The following IGSF21 variants were observed in gnomAD, a reference collection of about 807,000 sequenced individuals.
IGSF21 encodes immunoglobulin superfamily member 21.
Under a neutral mutation model 46.8 loss-of-function variants are expected in IGSF21, and 28 were observed. That is an observed-to-expected ratio of 0.60 (90% CI 0.44 to 0.82). IGSF21 has a LOEUF of 0.82. Among genes scored for constraint, IGSF21 ranks in the 40% least tolerant of loss-of-function variants. IGSF21 has a pLI of 0.00. For missense variants in IGSF21, 624 were observed against 665.5 expected, an observed-to-expected ratio of 0.94 and a Z score of 0.69; for synonymous variants, 284 against 273.6, an observed-to-expected ratio of 1.04 and a Z score of -0.38.
chr1:18,261,239 T>C (rs533053752), intron 2 of IGSF21, among the ~76,000 whole-genome samples: 1 of 152,230 alleles, frequency 6.6e-6, no homozygotes, highest in South Asian at 2.1e-4. Flanking sequence ...GGCTGGCCTA[T>C]AAAATGTTTT....
chr1:18,260,463 C>T (rs542213117), intron 2 of IGSF21, among the ~76,000 whole-genome samples: 98 of 152,334 alleles, frequency 6.4e-4, no homozygotes, highest in Admixed American at 4.5e-3. Context: ...GCGCAGCAGC[C>T]GCTGAGGGAA....
intron 1 of IGSF21, among the ~76,000 whole-genome samples, chr1:18,133,559 G>A (rs936621531): frequency 1.2e-4 from 18 of 152,204 alleles, no homozygotes; most frequent in African/African-American, 3.9e-4. Flanking sequence ...CCATGCTGCC[G>A]CTTTCAGGTA....
At chr1:18,315,036 G>A (rs778379902) in intron 3 of IGSF21, among the ~76,000 whole-genome samples, 7 of 152,174 alleles carry the variant, frequency 4.6e-5, no homozygotes, top group Non-Finnish European at 4.4e-5. Flanking sequence ...ATCCCAGGCA[G>A]AGGGGAGAGC....
chr1:18,377,925 C>G (rs987851307), intron 9 of IGSF21, among the ~76,000 whole-genome samples: 2 of 152,188 alleles, frequency 1.3e-5, no homozygotes, highest in African/African-American at 4.8e-5. Flanking sequence ...CTAGCCTGAG[C>G]ACCACCCCAG....
rs1233975797 is a variant in IGSF21, at chr1:18,108,090, C to CCCCCGCCG, written c.-31_-24dup. ...AGGGGACCCGCCGCCACCGCCTCCA[C>CCCCCGCCG]CCCCGCCGCCCCGCCACCGCCGCCA... On this transcript the variant is annotated 5_prime_UTR_variant, in exon 1 of 10. Transcript: ENST00000251296. The CCCCCGCCG allele has an allele frequency of 9.3e-7, 1 of 1,072,870 alleles. No individual in the cohort carries two copies. The highest frequency in any genetic ancestry group is 1.3e-6 in the Non-Finnish European group (1 of 792,642). The allele number at this position is 1,072,870 out of a possible 1,614,324, so 66.5% of individuals were successfully genotyped here. A position where few individuals can be genotyped will look rare whatever the true frequency, so the allele number is the denominator to read the frequency against.
At chr1:18,278,900 G>A in intron 2 of IGSF21, 1 of 471,718 alleles carries the variant, frequency 2.1e-6, no homozygotes, top group South Asian at 1.5e-5. Flanking sequence ...GGGTATATGG[G>A]TGTTTGCCTT....
At chr1:18,292,884 GCA>G (rs1046667741) in intron 3 of IGSF21, among the ~76,000 whole-genome samples, 3 of 152,074 alleles carry the variant, frequency 2.0e-5, no homozygotes, top group Non-Finnish European at 4.4e-5. Flanking sequence ...GCACAGCTTT[GCA>G]CACACACACT....
chr1:18,273,037 A>ATTTTTTTTTTTTTTT (rs2085057685), intron 2 of IGSF21, among the ~76,000 whole-genome samples: 2 of 90,202 alleles, frequency 2.2e-5, no homozygotes, highest in Non-Finnish European at 4.6e-5. Context: ...AGCCAGACGG[A>ATTTTTTTTTTTTTTT]TCTTTTTTTT....
At chr1:18,259,054 A>G (rs1247076408) in intron 2 of IGSF21, among the ~76,000 whole-genome samples, 1 of 152,236 alleles carries the variant, frequency 6.6e-6, no homozygotes, top group African/African-American at 2.4e-5. Context: ...ATTGAAAGAA[A>G]TTAAATGGGT....
intron 4 of IGSF21, among the ~76,000 whole-genome samples, chr1:18,359,383 A>AAAGAAAGAATGGAAGGAAGG (rs1557659626): frequency 2.5e-4 from 15 of 61,106 alleles, no homozygotes; most frequent in African/African-American, 9.4e-4. Flanking sequence ...AGAAAGAAAG[A>AAAGAAAGAATGGAAGGAAGG]AAGGAAGGAA....
intron 2 of IGSF21, among the ~76,000 whole-genome samples, chr1:18,244,460 T>A (rs1429270026): frequency 6.6e-6 from 1 of 152,190 alleles, no homozygotes; most frequent in East Asian, 1.9e-4. Context: ...TTTCTCTGTG[T>A]CTGAAAGCTC....
intron 7 of IGSF21, 49 bp from the exon 8 acceptor site, chr1:18,376,751 G>T: frequency 1.3e-6 from 2 of 1,527,636 alleles, no homozygotes; most frequent in East Asian, 2.3e-5. Flanking sequence ...TGCTGATCTG[G>T]CAGAATGGGC....
At chr1:18,152,421 T>C (rs1029751809) in intron 1 of IGSF21, among the ~76,000 whole-genome samples, 5 of 152,208 alleles carry the variant, frequency 3.3e-5, no homozygotes, top group African/African-American at 1.2e-4. Flanking sequence ...GAAGGTGATA[T>C]TTGAGCCACA....
chr1:18,295,978 T>C (rs1385573962), intron 3 of IGSF21, among the ~76,000 whole-genome samples: 1 of 152,150 alleles, frequency 6.6e-6, no homozygotes, highest in East Asian at 1.9e-4. Context: ...CATAATGAAA[T>C]GTGCAAAATG....
intron 2 of IGSF21, among the ~76,000 whole-genome samples, chr1:18,234,615 A>G (rs2084656938): frequency 6.6e-6 from 1 of 152,186 alleles, no homozygotes; most frequent in African/African-American, 2.4e-5. Flanking sequence ...GGAAGCGAAC[A>G]CGTCCTTCTT....
chr1:18,132,636 G>A (rs529572710), intron 1 of IGSF21, among the ~76,000 whole-genome samples: 3 of 152,254 alleles, frequency 2.0e-5, no homozygotes, highest in Middle Eastern at 3.4e-3. Flanking sequence ...AAGGAGGGAG[G>A]GAAGCCCCTT....
intron 3 of IGSF21, among the ~76,000 whole-genome samples, chr1:18,328,852 C>T (rs561194677): frequency 6.6e-6 from 1 of 152,102 alleles, no homozygotes; most frequent in Non-Finnish European, 1.5e-5. Context: ...AAAGGCAAAA[C>T]CAGGAAAGGA....
chr1:18,353,016 G>A (rs1175188375), intron 4 of IGSF21, among the ~76,000 whole-genome samples: 3 of 152,160 alleles, frequency 2.0e-5, no homozygotes, highest in Non-Finnish European at 4.4e-5. Context: ...TTTCAAGTTT[G>A]GGGGTGGGGC....
chr1:18,132,033 C>T (rs1328347318), intron 1 of IGSF21, among the ~76,000 whole-genome samples: 1 of 152,176 alleles, frequency 6.6e-6, no homozygotes, highest in Non-Finnish European at 1.5e-5. Context: ...CATTTACTTG[C>T]CTGCTTTACC....
Sources: gnomAD v4.1 joint callset for allele counts (sites outside exome capture counted in the v4.1 genomes callset) on GRCh38, gnomAD v4.1.1 for gene constraint, MANE v1.5 for transcripts, NCBI Gene and HGNC (gene_info 2026-07-23, HGNC 2026-07-21) for gene names.